Variants in CEP295 observed in about 807,000 individuals in gnomAD.
The protein encoded by CEP295 is centrosomal protein 295.
CEP295 carries 190 observed loss-of-function variants against 291.6 expected under a neutral mutation model. That is an observed-to-expected ratio of 0.65 (90% confidence interval 0.58 to 0.73). The LOEUF is 0.73. CEP295 is among the 30% of genes least tolerant of loss of function. CEP295 has a pLI of 0.00. For synonymous variants in CEP295, 993 were observed against 1,038.8 expected, an observed-to-expected ratio of 0.96 and a Z score of 0.85; for missense variants, 2,863 against 2,949.4, an observed-to-expected ratio of 0.97 and a Z score of 0.68.
chr11:93,663,830 T>G (rs962327176), intron 1 of CEP295, among the ~76,000 whole-genome samples: 1 of 152,198 alleles, frequency 6.6e-6, no homozygotes, highest in Non-Finnish European at 1.5e-5. Flanking sequence ...ATTAGGATTT[T>G]TTTCCTCTTA....
At chr11:93,696,607 TA>T in intron 14 of CEP295, 74 bp from the exon 15 acceptor site, 1 of 1,352,898 alleles carries the variant, frequency 7.4e-7, no homozygotes, top group Non-Finnish European at 9.9e-7. Flanking sequence ...TGCTGTTTGT[TA>T]AATTTAATGT....
chr11:93,710,189 A>T (rs748745818), intron 18 of CEP295, among the ~76,000 whole-genome samples: 45 of 152,136 alleles, frequency 3.0e-4, no homozygotes, highest in Non-Finnish European at 5.7e-4. Flanking sequence ...CAGTGGTGAA[A>T]GCAGGCATCC....
rs1954094957 is a variant in CEP295, at chr11:93,725,846, G to A, written c.6499+15G>A. On this transcript the variant is annotated intron_variant, in intron 23 of 29. Coordinates refer to ENST00000325212, the MANE Select transcript of CEP295 (RefSeq NM_033395.2). ...TATTATTGGGGGTATGTATGACTAAGTTAGAAAAAGTTAATTTTTCCATGA... is the reference window on the plus strand; with the variant it reads ...TATTATTGGGGGTATGTATGACTAAATTAGAAAAAGTTAATTTTTCCATGA... The A allele has an allele frequency of 6.5e-7, 1 of 1,539,636 alleles. No homozygotes were observed. Among genetic ancestry groups the A allele is most frequent in the South Asian group, 1.2e-5 (1 of 82,306 alleles).
chr11:93,675,228 A>G (rs919891358), intron 5 of CEP295, among the ~76,000 whole-genome samples: 2 of 152,202 alleles, frequency 1.3e-5, no homozygotes, highest in Admixed American at 6.5e-5. Context: ...TCTTATAAAT[A>G]TAATGAAGTG....
chr11:93,729,033 C>T (rs1051682924), intron 25 of CEP295: 9 of 535,102 alleles, frequency 1.7e-5, no homozygotes, highest in Admixed American at 3.6e-5. Context: ...TTATGCCTGT[C>T]TCCAAGACTG....
intron 23 of CEP295, among the ~76,000 whole-genome samples, chr11:93,726,099 T>C (rs1477630477): frequency 6.6e-6 from 1 of 152,066 alleles, no homozygotes; most frequent in Non-Finnish European, 1.5e-5. Flanking sequence ...TAAGTATTAT[T>C]TTTTTGTTTG....
chr11:93,707,736 G>A (rs1055265037), intron 18 of CEP295, among the ~76,000 whole-genome samples: 3 of 151,558 alleles, frequency 2.0e-5, no homozygotes, highest in South Asian at 2.1e-4. Flanking sequence ...GCGACAGAGC[G>A]AGACTCCGAG....
At chr11:93,663,939 T>A (rs931680409) in intron 1 of CEP295, among the ~76,000 whole-genome samples, 3 of 152,136 alleles carry the variant, frequency 2.0e-5, no homozygotes, top group Non-Finnish European at 4.4e-5. Flanking sequence ...AATATATAAA[T>A]TTTCAGTACC....
Position 93,727,283 on chromosome 11 carries a change from ACAC to A in CEP295, c.6810_6812del (p.His2270del), listed in dbSNP as rs1258417453. ...CTAACTCTAGTGAGTGCTCAACAAA[ACAC>A]CAACTAGAAAGCAGAAAGGAAAGTA... On this transcript the variant is annotated inframe_deletion, in exon 24 of 30. Coordinates refer to ENST00000325212, the MANE Select transcript of CEP295 (RefSeq NM_033395.2). The A allele has an allele frequency of 7.7e-6, 12 of 1,551,598 alleles. No homozygotes were observed. Among genetic ancestry groups the A allele is most frequent in the Non-Finnish European group, 1.0e-5 (12 of 1,146,962 alleles).
rs752134972 is a variant in CEP295 at position 93,697,931 on chromosome 11, C to G, written c.3019C>G (p.Leu1007Val). The G allele has an allele frequency of 6.4e-7, 1 of 1,551,678 alleles. No individual in the cohort carries two copies. Among genetic ancestry groups the G allele is most frequent in the Non-Finnish European group, 8.7e-7 (1 of 1,146,968 alleles). Residue 1007 changes from leucine to valine, a missense_variant, in exon 15 of 30, where the codon CTA becomes GTA. By Grantham distance (32) the Leu-to-Val change is conservative (BLOSUM62 1). Coordinates refer to ENST00000325212, the MANE Select transcript of CEP295 (RefSeq NM_033395.2). ...GGTAGCTCAGCATACATTTACTTCA[C>G]TACCATCTGCTGATACAAAATCTGG... ...FQVAQHTFTS[L>V]PSADTKSGKI...
At chr11:93,722,920 A>T in intron 20 of CEP295, 121 bp from the exon 21 acceptor site, 1 of 702,664 alleles carries the variant, frequency 1.4e-6, no homozygotes, top group Non-Finnish European at 2.3e-6. Flanking sequence ...CATGTTGGCG[A>T]GATGGTCTCC....
At chr11:93,663,316 T>C (rs1180708011) in intron 1 of CEP295, among the ~76,000 whole-genome samples, 2 of 152,312 alleles carry the variant, frequency 1.3e-5, no homozygotes, top group East Asian at 3.9e-4. Flanking sequence ...GTGTTAGACT[T>C]ACACTGAAGT....
intron 1 of CEP295, among the ~76,000 whole-genome samples, chr11:93,666,359 T>C (rs906057621): frequency 6.6e-6 from 1 of 152,190 alleles, no homozygotes; most frequent in Non-Finnish European, 1.5e-5. Flanking sequence ...TTTGGAAAGC[T>C]GAGGTAGGTG....
rs1260360027 is a variant in CEP295 at position 93,687,821 on chromosome 11, C to T, written c.1292C>T (p.Thr431Ile). 6.4e-7 allele frequency: 1 copy of T among 1,551,214 alleles called. No homozygotes were observed. The highest frequency in any genetic ancestry group is 8.7e-7 in the Non-Finnish European group (1 of 1,146,696). The change falls in exon 10 of 30, where the codon ACA (threonine) becomes ATA (isoleucine). Residue 431 changes from threonine (T) to isoleucine (I), a missense_variant. Transcript: ENST00000325212. ...ESKAPTVESG[T>I]IASKERTLSS... ...AAAGCACCAACGGTTGAGTCAGGAA[C>T]AATTGCCAGCAAAGAGAGAACGTTA...
At chr11:93,721,169 T>G in intron 18 of CEP295, 143 bp from the exon 19 acceptor site, 1 of 607,200 alleles carries the variant, frequency 1.6e-6, no homozygotes, top group Non-Finnish European at 3.0e-6. Context: ...TTCTTTGATC[T>G]AAGACAAGAC....
At chr11:93,679,278 G>A in intron 6 of CEP295, 134 bp from the exon 7 acceptor site, 1 of 745,278 alleles carries the variant, frequency 1.3e-6, no homozygotes, top group East Asian at 2.8e-5. Context: ...GTTGATAATT[G>A]TGGACATTTT....
intron 24 of CEP295, 54 bp from the exon 25 acceptor site, chr11:93,728,627 T>TC: frequency 6.8e-7 from 1 of 1,462,734 alleles, no homozygotes; most frequent in Middle Eastern, 1.8e-4. Flanking sequence ...AACGATTAGT[T>TC]TAAGTCTTTT....
In CEP295 at chr11:93,695,628, G is replaced by T. The variant is rs541458076; in HGVS notation, c.1665G>T (p.Pro555=). Residue 555 remains proline, a synonymous_variant, in exon 13 of 30, where the codon CCG becomes CCT. Coordinates refer to ENST00000325212, the MANE Select transcript of CEP295 (RefSeq NM_033395.2). ...AAGAAAAAAGAAAAAAAACTCAACC[G>T]ACTGGGGTAGGATGCAGAAAATCTC... ...LEEEKRKKTQ[P]TGVGIAPASC... is the part of the protein sequence containing the mutation. 1 of 1,488,156 alleles carries T rather than the reference G, an allele frequency of 6.7e-7. No homozygotes were observed. Among genetic ancestry groups the T allele is most frequent in the South Asian group, 1.4e-5 (1 of 73,704 alleles). The allele number at this position is 1,488,156 out of a possible 1,614,324, so 92.2% of individuals were successfully genotyped here.
rs117072481 is a variant in CEP295 at position 93,666,998 on chromosome 11, T to C, written c.108+183T>C. 4.2e-3 allele frequency among the ~76,000 whole-genome samples: 639 copies of C among 152,346 alleles called. 4 individuals carry two copies. Among genetic ancestry groups the C allele is most frequent in the Non-Finnish European group, 7.0e-3 (474 of 68,032 alleles). On this transcript the variant is annotated intron_variant, in intron 2 of 29. Transcript: ENST00000325212. ...AATAGGCTGAGATGGTTAAGTACAT[T>C]GTAGAAGAGTTGGAAGATAGGTATT...
Sources: allele counts gnomAD v4.1 joint callset (sites outside exome capture counted in the v4.1 genomes callset), GRCh38; gene constraint gnomAD v4.1.1; transcripts MANE v1.5; gene names NCBI Gene and HGNC (gene_info 2026-07-23, HGNC 2026-07-21).